Variants in SLC4A8 observed in about 807,000 individuals in gnomAD.
SLC4A8 encodes the protein solute carrier family 4 member 8, also known as electroneutral sodium bicarbonate exchanger 1.
A neutral mutation model predicts 125.0 loss-of-function variants in SLC4A8; 40 were observed. That is an observed-to-expected ratio of 0.32 (90% CI 0.25 to 0.42). SLC4A8 has a LOEUF of 0.42. Among genes scored for constraint, SLC4A8 ranks in the 10% least tolerant of loss-of-function variants. The pLI is 1.00. For synonymous variants in SLC4A8, 456 were observed against 476.0 expected, an observed-to-expected ratio of 0.96 and a Z score of 0.55; for missense variants, 863 against 1,355.1, an observed-to-expected ratio of 0.64 and a Z score of 5.70.
intron 1 of SLC4A8, among the ~76,000 whole-genome samples, chr12:51,395,110 A>G (rs531752114): frequency 7.2e-5 from 11 of 152,318 alleles, no homozygotes; most frequent in African/African-American, 2.6e-4. Context: ...AAAATGAAAA[A>G]GTTATATATG....
Position 51,463,672 on chromosome 12 carries a change from C to T in SLC4A8, c.1307C>T (p.Pro436Leu), listed in dbSNP as rs1378173309. Reference sequence around the variant, plus strand: ...AATGTTTGCCACATAGAACAGGAACCACATGGGGGTCACAGTGGGCCAGAA... The same window carrying T: ...AATGTTTGCCACATAGAACAGGAACTACATGGGGGTCACAGTGGGCCAGAA... The part of the protein sequence containing the change: ...NGNVCHIEQE[P>L]HGGHSGPELQ... Residue 436 changes from proline (P) to leucine (L), a missense_variant, in exon 11 of 25, where the codon CCA becomes CTA. Pro to Leu is a moderately conservative substitution (Grantham distance 98). Around this residue, in one of 6 missense-constraint regions of SLC4A8, gnomAD observed 390 missense variants for 634.4 expected, o/e 0.61. Transcript: ENST00000453097. 4 of 1,613,972 alleles carry T rather than the reference C, an allele frequency of 2.5e-6. No homozygotes were observed. The highest frequency in any genetic ancestry group is 3.4e-6 in the Non-Finnish European group (4 of 1,179,926).
At chr12:51,478,782 T>C (rs1950934339) in intron 16 of SLC4A8, among the ~76,000 whole-genome samples, 3 of 152,182 alleles carry the variant, frequency 2.0e-5, no homozygotes, top group Admixed American at 2.0e-4. Flanking sequence ...GATTAGGATG[T>C]GGTGAATTGT....
chr12:51,411,887 C>A (rs1201056474), intron 1 of SLC4A8, among the ~76,000 whole-genome samples: 1 of 151,938 alleles, frequency 6.6e-6, no homozygotes, highest in Non-Finnish European at 1.5e-5. Flanking sequence ...GAGGTTGAAA[C>A]CCTTTCTCTA....
chr12:51,435,283 C>T (rs1949367075), intron 1 of SLC4A8, among the ~76,000 whole-genome samples: 1 of 152,124 alleles, frequency 6.6e-6, no homozygotes, highest in South Asian at 2.1e-4. Context: ...GATTTTGTTC[C>T]ATCATTCCCT....
In SLC4A8 at chr12:51,399,914, G is replaced by A. The variant is rs763684272; in HGVS notation, c.-112+8426G>A. 2.6e-5 allele frequency among the ~76,000 whole-genome samples: 4 copies of A among 152,034 alleles called. No homozygotes were observed. In the South Asian group the frequency reaches 6.2e-4, roughly 24 times the overall value. On this transcript the variant is annotated intron_variant, in intron 1 of 24. Transcript: ENST00000358657. ...GGGGAATCGCTTGAACCTGGGAGGT[G>A]GAGGTTGCAGTGAGCTGAGATTGCG...
Position 51,458,621 on chromosome 12 carries a change from T to C in SLC4A8, c.826T>C (p.Cys276Arg). ...TCTTGAAGTAAAAAATGGAGTGAAT[T>C]GTGAACATAGTCCTGTGGATTTAAG... Reference protein sequence around the residue: ...TNLEVKNGVNCEHSPVDLSKV... With the variant: ...TNLEVKNGVNREHSPVDLSKV... The change falls in exon 7 of 25, where the codon TGT (cysteine) becomes CGT (arginine). Residue 276 changes from cysteine to arginine, a missense_variant. Coordinates refer to ENST00000453097, the MANE Select transcript of SLC4A8 (RefSeq NM_001039960.3). 1 of 1,613,722 alleles carries C rather than the reference T, an allele frequency of 6.2e-7. No homozygotes were observed. The highest frequency in any genetic ancestry group is 1.3e-5 in the African/African-American group (1 of 75,022).
intron 10 of SLC4A8, 53 bp from the exon 11 acceptor site, chr12:51,463,561 A>G: frequency 2.2e-6 from 3 of 1,383,318 alleles, no homozygotes; most frequent in Non-Finnish European, 3.1e-6. Context: ...TGCTGATAGC[A>G]GGACGAAAAG....
chr12:51,404,541 C>T (rs1948452523), intron 1 of SLC4A8, among the ~76,000 whole-genome samples: 1 of 152,118 alleles, frequency 6.6e-6, no homozygotes, highest in Admixed American at 6.5e-5. Flanking sequence ...AAGATGAACT[C>T]CTCCCCCCGT....
intron 1 of SLC4A8, chr12:51,403,346 CAG>C: frequency 2.3e-6 from 1 of 427,686 alleles, no homozygotes; most frequent in South Asian, 1.6e-5. Context: ...TACTCATTTC[CAG>C]AGTTTGGGCA....
chr12:51,447,184 G>C (rs1565782358), intron 2 of SLC4A8, among the ~76,000 whole-genome samples: 1 of 152,026 alleles, frequency 6.6e-6, no homozygotes, highest in East Asian at 1.9e-4. Context: ...CTGGGCTCAG[G>C]CAATCCTACC....
intron 14 of SLC4A8, among the ~76,000 whole-genome samples, chr12:51,473,662 G>A (rs886581479): frequency 6.6e-6 from 1 of 152,226 alleles, no homozygotes; most frequent in Non-Finnish European, 1.5e-5. Flanking sequence ...CAGGCATGAA[G>A]CATGCTGGGA....
chr12:51,399,376 A>G (rs926625550), intron 1 of SLC4A8, among the ~76,000 whole-genome samples: 1 of 152,140 alleles, frequency 6.6e-6, no homozygotes, highest in Non-Finnish European at 1.5e-5. Context: ...AAAGGCAGCC[A>G]CTGTTACTGA....
intron 16 of SLC4A8, among the ~76,000 whole-genome samples, chr12:51,485,546 T>C (rs185097664): frequency 1.8e-4 from 27 of 152,284 alleles, no homozygotes; most frequent in Admixed American, 1.6e-3. Context: ...AACAGAACTC[T>C]TCAGAGGATG....
At chr12:51,451,518 T>G (rs1227381753) in intron 3 of SLC4A8, among the ~76,000 whole-genome samples, 1 of 152,178 alleles carries the variant, frequency 6.6e-6, no homozygotes, top group African/African-American at 2.4e-5. Flanking sequence ...ATTTCTAAAC[T>G]CTTAATATTT....
At chr12:51,458,778 C>A in intron 7 of SLC4A8, 128 bp downstream of exon 7, 1 of 649,808 alleles carries the variant, frequency 1.5e-6, no homozygotes, top group Non-Finnish European at 2.7e-6. Flanking sequence ...AGAGCCCTTT[C>A]TGCATAAAAG....
intron 1 of SLC4A8, among the ~76,000 whole-genome samples, chr12:51,403,618 G>A (rs6580831): frequency 0.27 from 40,318 of 152,120 alleles, 5,563 homozygotes; most frequent in Non-Finnish European, 0.31. Flanking sequence ...TTCAGTGGGG[G>A]AGAAAGATGT....
chr12:51,489,979 A>T, intron 19 of SLC4A8, 28 bp downstream of exon 19: 1 of 1,608,914 alleles, frequency 6.2e-7, no homozygotes, highest in South Asian at 1.1e-5. Flanking sequence ...CATTCAGCAA[A>T]TATCAAGGGC....
In SLC4A8 at chr12:51,474,466, A is replaced by G; in HGVS notation, c.2010+19A>G. The G allele has an allele frequency of 1.2e-6, 2 of 1,610,388 alleles. No homozygotes were observed. The highest frequency in any genetic ancestry group is 1.7e-6 in the Non-Finnish European group (2 of 1,177,832). ...TGTCAGTGTAAGTCTGGGAGCTGCC[A>G]GATGTCCTAGCATTGTGACCACAGG... On this transcript the variant is annotated intron_variant, in intron 15 of 24. Transcript: ENST00000453097.
intron 1 of SLC4A8, among the ~76,000 whole-genome samples, chr12:51,426,809 C>A (rs1054951099): frequency 1.3e-5 from 2 of 150,878 alleles, no homozygotes; most frequent in African/African-American, 2.4e-5. Context: ...ATCTGAGGAA[C>A]AAGGGGAAGC....
Sources: allele counts gnomAD v4.1 joint callset (sites outside exome capture counted in the v4.1 genomes callset), GRCh38; gene constraint gnomAD v4.1.1; regional missense constraint gnomAD v4.1.1; transcripts MANE v1.5; gene names NCBI Gene and HGNC (gene_info 2026-07-23, HGNC 2026-07-21).